Variants in DLGAP2 observed in about 807,000 individuals in gnomAD.
DLGAP2 encodes the protein DLG associated protein 2.
Under a neutral mutation model 100.3 loss-of-function variants are expected in DLGAP2, and 26 were observed. The observed-to-expected ratio is 0.26, with a 90% CI of 0.19 to 0.36. DLGAP2 has a LOEUF of 0.36. Ranked by LOEUF, DLGAP2 falls within the 10% of genes least tolerant of loss-of-function variation. DLGAP2 has a pLI of 1.00. For synonymous variants in DLGAP2, 886 were observed against 630.1 expected (o/e 1.41, Z -6.08); for missense variants, 1,858 against 1,453.2 (o/e 1.28, Z -4.53).
intron 2 of DLGAP2, among the ~76,000 whole-genome samples, chr8:1,138,314 A>G (rs1008667177): frequency 1.3e-4 from 20 of 152,308 alleles, no homozygotes; most frequent in African/African-American, 4.8e-4. Flanking sequence ...TCCTGTCTGC[A>G]TGCCGATGAA....
intron 3 of DLGAP2, among the ~76,000 whole-genome samples, chr8:1,261,583 G>C (rs1799351631): frequency 6.6e-6 from 1 of 151,786 alleles, no homozygotes; most frequent in African/African-American, 2.4e-5. Flanking sequence ...TGGGCAGTGG[G>C]GGGTGGGGCT....
chr8:972,586 G>A (rs537325375), intron 2 of DLGAP2, among the ~76,000 whole-genome samples: 7 of 147,842 alleles, frequency 4.7e-5, no homozygotes, highest in Non-Finnish European at 7.6e-5. Flanking sequence ...GAAAAGCAAA[G>A]GTAGAAAATA....
At chr8:1,143,708 C>G (rs1796559679) in intron 2 of DLGAP2, among the ~76,000 whole-genome samples, 1 of 152,222 alleles carries the variant, frequency 6.6e-6, no homozygotes, top group Non-Finnish European at 1.5e-5. Context: ...GCTGGCCACC[C>G]TAAGTCACTG....
chr8:1,008,232 C>G (rs952376655), intron 2 of DLGAP2, among the ~76,000 whole-genome samples: 5 of 152,160 alleles, frequency 3.3e-5, no homozygotes, highest in Non-Finnish European at 7.4e-5. Context: ...TTACGTAGAA[C>G]AAATGCTAAG....
chr8:1,589,954 A>G (rs1181500196), intron 6 of DLGAP2, among the ~76,000 whole-genome samples: 1 of 152,208 alleles, frequency 6.6e-6, no homozygotes, highest in Non-Finnish European at 1.5e-5. Flanking sequence ...GGCTTAAAAC[A>G]ATAGAAATTT....
At chr8:1,413,118 T>A (rs1240933297) in intron 3 of DLGAP2, among the ~76,000 whole-genome samples, 1 of 152,212 alleles carries the variant, frequency 6.6e-6, no homozygotes, top group Non-Finnish European at 1.5e-5. Flanking sequence ...ACTCACAGCT[T>A]TGTGTTCTAT....
chr8:1,360,803 C>T (rs1008614198), intron 3 of DLGAP2, among the ~76,000 whole-genome samples: 3 of 152,136 alleles, frequency 2.0e-5, no homozygotes, highest in African/African-American at 4.8e-5. Flanking sequence ...CCCAGAGGCA[C>T]GAGGAAACAG....
At position 1,413,287 on chromosome 8, in the gene DLGAP2, G is replaced by A. The variant is rs78072648; in HGVS notation, c.107-88079G>A. Among the ~76,000 whole-genome samples the A allele has an allele frequency of 9.0e-3, 1,376 of 152,264 alleles. 23 individuals carry two copies. The highest frequency in any genetic ancestry group is 0.031 in the African/African-American group (1,295 of 41,552). On this transcript the variant is annotated intron_variant, in intron 3 of 14. Transcript: ENST00000637795. ...AAAGGAAGAAGCATAAAGATAGAAG[G>A]ATGGGAAGCAGAATGAATAAATGGA...
chr8:744,001 C>T (rs1479756456), intron 1 of DLGAP2, among the ~76,000 whole-genome samples: 1 of 152,358 alleles, frequency 6.6e-6, no homozygotes, highest in African/African-American at 2.4e-5. Context: ...TCAAGTTTCA[C>T]GTGCCTTCAC....
At chr8:1,338,320 G>C (rs771917393) in intron 3 of DLGAP2, among the ~76,000 whole-genome samples, 1 of 152,192 alleles carries the variant, frequency 6.6e-6, no homozygotes, top group Non-Finnish European at 1.5e-5. Context: ...ATAAAGTGCA[G>C]GCCACACGTA....
chr8:757,811 C>G (rs1362649806), intron 1 of DLGAP2, among the ~76,000 whole-genome samples: 3 of 152,204 alleles, frequency 2.0e-5, no homozygotes, highest in African/African-American at 4.8e-5. Flanking sequence ...ATGAAAGTCA[C>G]TGTGTAATCA....
intron 2 of DLGAP2, among the ~76,000 whole-genome samples, chr8:1,007,957 A>G (rs537341538): frequency 6.6e-6 from 1 of 152,290 alleles, no homozygotes; most frequent in African/African-American, 2.4e-5. Flanking sequence ...TGGTGACAGG[A>G]CGCCCTCCAT....
intron 1 of DLGAP2, among the ~76,000 whole-genome samples, chr8:816,099 C>A (rs910125709): frequency 6.6e-6 from 1 of 152,026 alleles, no homozygotes; most frequent in East Asian, 1.9e-4. Context: ...TTATGTGAGT[C>A]CTTATATGTT....
chr8:893,924 T>C (rs938142521), intron 1 of DLGAP2, among the ~76,000 whole-genome samples: 17 of 152,204 alleles, frequency 1.1e-4, no homozygotes, highest in African/African-American at 3.9e-4. Context: ...TGTTGAAGCA[T>C]TGGGAGGTTC....
At chr8:1,018,319 C>A (rs975866546) in intron 2 of DLGAP2, among the ~76,000 whole-genome samples, 3 of 152,212 alleles carry the variant, frequency 2.0e-5, no homozygotes, top group African/African-American at 7.2e-5. Flanking sequence ...CTAAACTGAG[C>A]TGTGAAGAAA....
chr8:1,288,855 C>G (rs115437819), intron 3 of DLGAP2, among the ~76,000 whole-genome samples: 1,540 of 152,150 alleles, frequency 0.01, 18 homozygotes, highest in African/African-American at 0.035. Flanking sequence ...GGTTCTATTA[C>G]ACAGTGTTCA....
At chr8:753,207 G>C (rs539611153) in intron 1 of DLGAP2, among the ~76,000 whole-genome samples, 3 of 152,160 alleles carry the variant, frequency 2.0e-5, no homozygotes, top group Non-Finnish European at 4.4e-5. Flanking sequence ...CGTCACTTAC[G>C]CAGAGGAGGG....
intron 4 of DLGAP2, 51 bp from the exon 5 acceptor site, chr8:1,548,574 AG>A: frequency 7.0e-7 from 1 of 1,427,136 alleles, no homozygotes; most frequent in Non-Finnish European, 9.2e-7. Flanking sequence ...CCCGCACCTG[AG>A]GGTTTCCGCC....
chr8:1,383,410 T>G (rs1328567662), intron 3 of DLGAP2, among the ~76,000 whole-genome samples: 1 of 152,236 alleles, frequency 6.6e-6, no homozygotes, highest in African/African-American at 2.4e-5. Context: ...TCTCAGACTT[T>G]TATACAGAGA....
Sources: allele counts gnomAD v4.1 joint callset (sites outside exome capture counted in the v4.1 genomes callset), GRCh38; gene constraint gnomAD v4.1.1; transcripts MANE v1.5; gene names NCBI Gene and HGNC (gene_info 2026-07-23, HGNC 2026-07-21).